Variants in SESN1 observed in about 807,000 individuals in gnomAD.
SESN1 encodes sestrin-1.
SESN1 carries 30 observed loss-of-function variants against 59.3 expected under a neutral mutation model. The ratio of observed to expected loss-of-function variants is 0.51; its 90% CI spans 0.38 to 0.69. SESN1 has a LOEUF of 0.69. Ranked by LOEUF, SESN1 falls within the 30% of genes least tolerant of loss-of-function variation. The pLI is 0.00. For missense variants in SESN1, 566 were observed against 673.0 expected, an observed-to-expected ratio of 0.84 and a Z score of 1.76; for synonymous variants, 197 against 219.9, an observed-to-expected ratio of 0.90 and a Z score of 0.92.
At chr6:109,011,467 T>C (rs529746389) in intron 1 of SESN1, among the ~76,000 whole-genome samples, 1 of 152,308 alleles carries the variant, frequency 6.6e-6, no homozygotes, top group East Asian at 1.9e-4. Flanking sequence ...CTTTATGGTC[T>C]CTATAAAGAC....
chr6:109,015,097 G>A (rs1779911341), intron 1 of SESN1, among the ~76,000 whole-genome samples: 1 of 152,088 alleles, frequency 6.6e-6, no homozygotes, highest in East Asian at 1.9e-4. Context: ...TTAACTGAAA[G>A]CCTAATAATG....
intron 6 of SESN1, 23 bp from the exon 7 acceptor site, chr6:108,992,922 G>A (rs752674515): frequency 2.0e-6 from 3 of 1,504,142 alleles, no homozygotes; most frequent in Non-Finnish European, 9.2e-7. Context: ...GCCATTGAAA[G>A]GTTTTTAAAA....
At chr6:109,063,115 T>C (rs559328438) in intron 1 of SESN1, among the ~76,000 whole-genome samples, 11 of 152,302 alleles carry the variant, frequency 7.2e-5, no homozygotes, top group African/African-American at 1.9e-4. Flanking sequence ...GTCACTGCCC[T>C]GTCTGAGTCC....
At chr6:109,049,918 T>A (rs1214429531) in intron 1 of SESN1, among the ~76,000 whole-genome samples, 3 of 152,080 alleles carry the variant, frequency 2.0e-5, no homozygotes, top group African/African-American at 4.8e-5. Context: ...CATCTCCATG[T>A]CTGACTTTGG....
At chr6:109,084,339 T>C (rs1366856676) in intron 1 of SESN1, among the ~76,000 whole-genome samples, 1 of 152,170 alleles carries the variant, frequency 6.6e-6, no homozygotes, top group Non-Finnish European at 1.5e-5. Context: ...GGCAGGCGGT[T>C]CACTTGAGGT....
chr6:109,065,012 G>A (rs1262564723), intron 1 of SESN1, among the ~76,000 whole-genome samples: 2 of 152,010 alleles, frequency 1.3e-5, no homozygotes, highest in Non-Finnish European at 2.9e-5. Flanking sequence ...TCCTCATCAA[G>A]TATGTAACAT....
rs573695231 is a variant in SESN1, at chr6:109,091,206, T to C, written c.279+2589A>G. ...TTCTATGTTTAGATACACAAATACT[T>C]ACCATTGCATTACAATTGCCAAAGC... On this transcript the variant is annotated intron_variant, in intron 1 of 9. Coordinates refer to ENST00000436639, the MANE Select transcript of SESN1 (RefSeq NM_014454.3). Among the ~76,000 whole-genome samples the C allele has an allele frequency of 1.7e-3, 257 of 152,326 alleles. 1 individual carries two copies. The highest frequency in any genetic ancestry group is 3.1e-3 in the Non-Finnish European group (210 of 68,022).
chr6:109,021,295 T>A (rs1264361123), intron 1 of SESN1, among the ~76,000 whole-genome samples: 1 of 152,222 alleles, frequency 6.6e-6, no homozygotes, highest in Non-Finnish European at 1.5e-5. Context: ...CCATGTACTT[T>A]AAAACAAAGG....
At chr6:109,035,025 T>C (rs1780230764) in intron 1 of SESN1, among the ~76,000 whole-genome samples, 1 of 152,310 alleles carries the variant, frequency 6.6e-6, no homozygotes, top group East Asian at 1.9e-4. Context: ...ATTTTCTTAA[T>C]AGGTTTTTTC....
At chr6:109,090,243 C>T (rs929606083) in intron 1 of SESN1, among the ~76,000 whole-genome samples, 1 of 152,176 alleles carries the variant, frequency 6.6e-6, no homozygotes, top group African/African-American at 2.4e-5. Flanking sequence ...GTAACTTATT[C>T]AAAGTTGTAG....
At chr6:109,009,632 C>G (rs1583270814) in intron 1 of SESN1, 2 of 938,574 alleles carry the variant, frequency 2.1e-6, no homozygotes, top group African/African-American at 1.8e-5. Context: ...CTGGCGGCCA[C>G]GCAAGCCAAT....
chr6:109,062,710 G>A (rs1359552878), intron 1 of SESN1, among the ~76,000 whole-genome samples: 2 of 152,122 alleles, frequency 1.3e-5, no homozygotes, highest in Admixed American at 6.5e-5. Flanking sequence ...ATAAATGTGT[G>A]AAACCACAGG....
At chr6:109,019,136 CTAGTAATAT>C (rs1262564759) in intron 1 of SESN1, among the ~76,000 whole-genome samples, 2 of 152,092 alleles carry the variant, frequency 1.3e-5, no homozygotes, top group Admixed American at 1.3e-4. Flanking sequence ...CATCAGAATT[CTAGTAATAT>C]TGTTTTATTA....
At chr6:109,090,892 C>T (rs901084427) in intron 1 of SESN1, among the ~76,000 whole-genome samples, 1 of 152,210 alleles carries the variant, frequency 6.6e-6, no homozygotes, top group Non-Finnish European at 1.5e-5. Flanking sequence ...GCCTTAGCCT[C>T]CTGAATAGCT....
Position 108,985,929 on chromosome 6 carries a change from C to T in SESN1, c.*1615G>A, listed in dbSNP as rs987851197. Among the ~76,000 whole-genome samples the T allele has an allele frequency of 5.3e-5, 8 of 152,118 alleles. No homozygotes were observed. Among genetic ancestry groups the T allele is most frequent in the African/African-American group, 1.9e-4 (8 of 41,422 alleles). Reference sequence around the variant, plus strand: ...TTCCTAGCTAAGGTTATAGTCTTGTCTTCTCATGAGAGTAAATATCCTTGA... The same window carrying T: ...TTCCTAGCTAAGGTTATAGTCTTGTTTTCTCATGAGAGTAAATATCCTTGA... On this transcript the variant is annotated 3_prime_UTR_variant, in exon 10 of 10. Transcript: ENST00000436639.
chr6:109,016,895 AT>A (rs1779934729), intron 1 of SESN1, among the ~76,000 whole-genome samples: 1 of 152,224 alleles, frequency 6.6e-6, no homozygotes, highest in Non-Finnish European at 1.5e-5. Context: ...TAACTCAGAA[AT>A]ACTAAAATAG....
chr6:109,076,641 C>G (rs1781036791), intron 1 of SESN1, among the ~76,000 whole-genome samples: 1 of 152,110 alleles, frequency 6.6e-6, no homozygotes, highest in African/African-American at 2.4e-5. Flanking sequence ...AAAACTTAGT[C>G]TGCAGGAAAC....
At chr6:109,021,578 C>G (rs959813329) in intron 1 of SESN1, among the ~76,000 whole-genome samples, 1 of 151,980 alleles carries the variant, frequency 6.6e-6, no homozygotes, top group Non-Finnish European at 1.5e-5. Context: ...GCTGGGACTA[C>G]GGATGCCTGC....
At chr6:109,021,218 A>G (rs917890500) in intron 1 of SESN1, among the ~76,000 whole-genome samples, 1 of 152,084 alleles carries the variant, frequency 6.6e-6, no homozygotes, top group Non-Finnish European at 1.5e-5. Flanking sequence ...ACATGGACTC[A>G]AGTGAACTCC....
Sources: allele counts gnomAD v4.1 joint callset (sites outside exome capture counted in the v4.1 genomes callset), GRCh38; gene constraint gnomAD v4.1.1; transcripts MANE v1.5; gene names NCBI Gene and HGNC (gene_info 2026-07-23, HGNC 2026-07-21).